The following REPS1 variants were observed in gnomAD, a reference collection of about 807,000 sequenced individuals.
REPS1 encodes RALBP1 associated Eps domain containing 1.
REPS1 carries 39 observed loss-of-function variants against 100.9 expected under a neutral mutation model. The observed-to-expected ratio is 0.39, with a 90% CI of 0.30 to 0.50. REPS1 has a LOEUF of 0.50. Among genes scored for constraint, REPS1 ranks in the 20% least tolerant of loss-of-function variants. The probability of loss-of-function intolerance (pLI) is 0.86; values close to 1 mark genes in which losing one functional copy is unlikely to be tolerated. For missense variants in REPS1, 821 were observed against 968.5 expected (o/e 0.85, Z 2.02); for synonymous variants, 324 against 340.3 (o/e 0.95, Z 0.53).
intron 1 of REPS1, among the ~76,000 whole-genome samples, chr6:138,949,911 G>A (rs1782905585): frequency 6.6e-6 from 1 of 152,134 alleles, no homozygotes; most frequent in Non-Finnish European, 1.5e-5. Flanking sequence ...GACTTAGGCA[G>A]AAACCAGATC....
chr6:138,987,690 T>A lies in REPS1; in HGVS notation c.-8A>T, dbSNP rs1490512701. On this transcript the variant is annotated 5_prime_UTR_variant, in exon 1 of 20. Coordinates refer to ENST00000450536, the MANE Select transcript of REPS1 (RefSeq NM_001286611.2). ...CAGCGTTAAGCCTTCCATCTTCGCCTCCGGCTCACGGCCGCCCCGCCCCGC... is the reference window on the plus strand; with the variant it reads ...CAGCGTTAAGCCTTCCATCTTCGCCACCGGCTCACGGCCGCCCCGCCCCGC... The A allele has an allele frequency of 2.0e-6, 3 of 1,537,008 alleles. No individual in the cohort carries two copies. In the Admixed American group the frequency reaches 6.1e-5, roughly 31 times the overall value.
chr6:138,929,441 T>A (rs551176732), intron 9 of REPS1: 1 of 152,512 alleles, frequency 6.6e-6, no homozygotes, highest in South Asian at 2.1e-4. Flanking sequence ...CTTAATGCAG[T>A]TAATATGGCT....
intron 1 of REPS1, among the ~76,000 whole-genome samples, chr6:138,951,584 T>C (rs545023598): frequency 6.6e-6 from 1 of 152,296 alleles, no homozygotes; most frequent in African/African-American, 2.4e-5. Context: ...GAGTTGGTGT[T>C]ATATTGGCTT....
chr6:138,934,241 A>T (rs1582766472), intron 8 of REPS1: 1 of 458,610 alleles, frequency 2.2e-6, no homozygotes, highest in South Asian at 1.6e-5. Flanking sequence ...CAGTGTTCCA[A>T]CCTAGCCTCC....
rs1008031696 is a variant in REPS1 at position 138,915,791 on chromosome 6, T to C, written c.1720+67A>G. The C allele has an allele frequency of 3.6e-6, 4 of 1,117,804 alleles. No individual in the cohort carries two copies. The Admixed American group carries it at 6.4e-5, about 18-fold the overall frequency. The allele number at this position is 1,117,804 out of a possible 1,614,324, so 69.2% of individuals were successfully genotyped here. On this transcript the variant is annotated intron_variant, in intron 14 of 19. Coordinates refer to ENST00000450536, the MANE Select transcript of REPS1 (RefSeq NM_001286611.2). ...ACATGTAATAGAAACAAAAATAAAA[T>C]GTGTATGTGTGTTGGATTAACTTTA...
chr6:138,926,638 A>G (rs751401972), intron 9 of REPS1, 157 bp from the exon 10 acceptor site: 1 of 594,562 alleles, frequency 1.7e-6, no homozygotes, highest in Non-Finnish European at 3.0e-6. Flanking sequence ...TCAACATTTT[A>G]TATTTATTCT....
At chr6:138,965,383 T>C (rs1783961956) in intron 1 of REPS1, among the ~76,000 whole-genome samples, 1 of 148,758 alleles carries the variant, frequency 6.7e-6, no homozygotes, top group South Asian at 2.1e-4. Context: ...AAAAAACAAA[T>C]AAGATTAAAG....
intron 19 of REPS1, among the ~76,000 whole-genome samples, chr6:138,906,293 T>C (rs900878344): frequency 2.0e-5 from 3 of 152,228 alleles, no homozygotes; most frequent in Non-Finnish European, 4.4e-5. Flanking sequence ...GTTTTGGGGA[T>C]AGACACAAAG....
chr6:138,941,374 T>A lies in REPS1; in HGVS notation c.1096A>T (p.Ser366Cys), dbSNP rs1782237762. 1 of 1,613,994 alleles carries A rather than the reference T, an allele frequency of 6.2e-7. No individual in the cohort carries two copies. Among genetic ancestry groups the A allele is most frequent in the African/African-American group, 1.3e-5 (1 of 74,926 alleles). Reference sequence around the variant, plus strand: ...AAATCAATCAGTTTGGGCATTAAGCTTTCAGGAAGTTTTTCTGGTAAATCA... The same window carrying A: ...AAATCAATCAGTTTGGGCATTAAGCATTCAGGAAGTTTTTCTGGTAAATCA... ...GYDLPEKLPE[S>C]LMPKLIDLED... The change falls in exon 8 of 20, where the codon AGC (serine) becomes TGC (cysteine). Residue 366 changes from serine (S) to cysteine (C), a missense_variant. Ser to Cys is a moderately radical substitution (Grantham distance 112). This residue lies in a region of REPS1 where 757 missense variants were observed against 866.4 expected (regional missense o/e 0.87). Coordinates refer to ENST00000450536, the MANE Select transcript of REPS1 (RefSeq NM_001286611.2).
intron 1 of REPS1, among the ~76,000 whole-genome samples, chr6:138,976,902 A>G (rs1475049098): frequency 6.6e-6 from 1 of 152,244 alleles, no homozygotes; most frequent in Non-Finnish European, 1.5e-5. Context: ...AAAATCTATC[A>G]GTACATCATC....
At position 138,980,213 on chromosome 6, in the gene REPS1, G is replaced by A. The variant is rs927636534; in HGVS notation, c.153+7317C>T. On this transcript the variant is annotated intron_variant, in intron 1 of 19. Coordinates refer to ENST00000450536, the MANE Select transcript of REPS1 (RefSeq NM_001286611.2). ...CTGCTCTCTATCCTACTGCCACCTC[G>A]CTAATCTAAGCCATTGCTGTCTGCT... Among the ~76,000 whole-genome samples, 4 of 152,136 alleles carry A rather than the reference G, an allele frequency of 2.6e-5. No homozygotes were observed. The East Asian group carries it at 5.8e-4, about 22-fold the overall frequency.
chr6:138,987,934 G>A lies in REPS1; in HGVS notation c.-252C>T, dbSNP rs1185161821. On this transcript the variant is annotated 5_prime_UTR_variant, in exon 1 of 20. Transcript: ENST00000450536. ...CGGCTGCGGCTGCGGCTGCGACTAC[G>A]GCTCCGGCTCCGGCTCCGGCTCCGG... 6.2e-6 allele frequency: 2 copies of A among 324,144 alleles called. No homozygotes were observed. Among genetic ancestry groups the A allele is most frequent in the African/African-American group, 3.6e-5 (1 of 27,976 alleles). 20.1% of individuals were successfully genotyped at this position (324,144 alleles called of 1,614,324 possible).
chr6:138,962,895 T>A (rs1783819003), intron 1 of REPS1, among the ~76,000 whole-genome samples: 2 of 152,222 alleles, frequency 1.3e-5, no homozygotes. Context: ...TTAATTTTTC[T>A]GCGGTCCCTC....
chr6:138,906,061 A>G (rs1296957549), intron 19 of REPS1, among the ~76,000 whole-genome samples: 1 of 152,184 alleles, frequency 6.6e-6, no homozygotes, highest in Non-Finnish European at 1.5e-5. Flanking sequence ...GCTTCTATAT[A>G]CTTGTTTCAA....
intron 9 of REPS1, chr6:138,928,446 T>C (rs919623345): frequency 5.3e-5 from 8 of 152,298 alleles, no homozygotes; most frequent in African/African-American, 1.7e-4. Context: ...GAAATATCAT[T>C]AGATGTCTCA....
chr6:138,931,010 C>T (rs931936307), intron 8 of REPS1, among the ~76,000 whole-genome samples: 1 of 152,162 alleles, frequency 6.6e-6, no homozygotes, highest in Non-Finnish European at 1.5e-5. Flanking sequence ...ACTAAACTCT[C>T]ATTCCGATTC....
rs963964498 is a variant in REPS1, at chr6:138,934,529, G to A, written c.1136-4431C>T. Among the ~76,000 whole-genome samples the A allele has an allele frequency of 3.3e-5, 5 of 152,138 alleles. No individual in the cohort carries two copies. The East Asian group carries it at 9.6e-4, about 29-fold the overall frequency. On this transcript the variant is annotated intron_variant, in intron 8 of 19. Coordinates refer to ENST00000450536, the MANE Select transcript of REPS1 (RefSeq NM_001286611.2). ...ACCTATCTATCCTTTCAAAGAATCT[G>A]GAAAGTTCCCCGATTCAATTCAGTA...
intron 4 of REPS1, 66 bp downstream of exon 4, chr6:138,945,153 G>C: frequency 1.4e-6 from 2 of 1,382,270 alleles, no homozygotes; most frequent in Non-Finnish European, 1.9e-6. Context: ...AGGATCATTT[G>C]AACCCAGGAG....
At chr6:138,925,934 C>T (rs1781088981) in intron 10 of REPS1, among the ~76,000 whole-genome samples, 2 of 152,106 alleles carry the variant, frequency 1.3e-5, no homozygotes, top group South Asian at 4.1e-4. Flanking sequence ...GAACTTGATT[C>T]TCTCTAACAG....
Sources: allele counts gnomAD v4.1 joint callset (sites outside exome capture counted in the v4.1 genomes callset), GRCh38; gene constraint gnomAD v4.1.1; regional missense constraint gnomAD v4.1.1; transcripts MANE v1.5; gene names NCBI Gene and HGNC (gene_info 2026-07-23, HGNC 2026-07-21).